Variants in WWTR1 observed in about 807,000 individuals in gnomAD.
WWTR1 encodes WW domain-containing transcription regulator protein 1.
In WWTR1, 13 loss-of-function variants were observed where a neutral mutation model predicts 40.1. The ratio of observed to expected loss-of-function variants is 0.32; its 90% CI spans 0.21 to 0.52. The LOEUF is 0.52. WWTR1 is among the 20% of genes least tolerant of loss of function. WWTR1 has a pLI of 0.97. For synonymous variants in WWTR1, 230 were observed against 210.1 expected, an observed-to-expected ratio of 1.09 and a Z score of -0.82; for missense variants, 436 against 523.1, an observed-to-expected ratio of 0.83 and a Z score of 1.63.
chr3:149,528,850 T>C (rs1735450000), intron 4 of WWTR1, among the ~76,000 whole-genome samples: 1 of 152,168 alleles, frequency 6.6e-6, no homozygotes, highest in Admixed American at 6.5e-5. Flanking sequence ...ACCATGTAGA[T>C]CCAATCCAAA....
intron 5 of WWTR1, among the ~76,000 whole-genome samples, chr3:149,711,649 C>T (rs1191185691): frequency 6.6e-6 from 1 of 152,188 alleles, no homozygotes; most frequent in South Asian, 2.1e-4. Context: ...CAAAGGCCAA[C>T]TTTAATAATC....
chr3:149,617,837 T>C (rs1357316860), intron 2 of WWTR1, among the ~76,000 whole-genome samples: 1 of 152,070 alleles, frequency 6.6e-6, no homozygotes, highest in African/African-American at 2.4e-5. Context: ...CCATAAATCA[T>C]ACCAATATTC....
Position 149,520,500 on chromosome 3 carries a change from C to G in WWTR1, c.*305G>C, listed in dbSNP as rs1409447656. On this transcript the variant is annotated 3_prime_UTR_variant, in exon 7 of 7. Transcript: ENST00000360632. The stretch of plus-strand genomic sequence containing the variant: ...TTCAATTAACACCCATAAAGCTTAG[C>G]CATGGGGCAGCAGAGAAGAAAGAGA... The G allele has an allele frequency of 4.4e-6, 1 of 224,760 alleles. No individual in the cohort carries two copies. The highest frequency in any genetic ancestry group is 2.3e-5 in the African/African-American group (1 of 44,306). The allele number at this position is 224,760 out of a possible 1,614,324, so 13.9% of individuals were successfully genotyped here.
intron 1 of WWTR1, among the ~76,000 whole-genome samples, chr3:149,701,126 A>G (rs569493798): frequency 6.6e-6 from 1 of 152,284 alleles, no homozygotes; most frequent in East Asian, 1.9e-4. Flanking sequence ...TCCTGATTTT[A>G]AAAGCCTTTC....
At chr3:149,643,142 A>G (rs1712282512) in intron 2 of WWTR1, among the ~76,000 whole-genome samples, 1 of 152,230 alleles carries the variant, frequency 6.6e-6, no homozygotes, top group Admixed American at 6.5e-5. Context: ...TATATTGTGA[A>G]AGGGCAAACT....
chr3:149,719,108 G>A (rs1001210990), intron 4 of WWTR1, among the ~76,000 whole-genome samples: 3 of 151,864 alleles, frequency 2.0e-5, no homozygotes, highest in Non-Finnish European at 4.4e-5. Flanking sequence ...TTACAGATGT[G>A]AGGCACCATG....
chr3:149,527,889 C>T lies in WWTR1; in HGVS notation c.852G>A (p.Met284Ile), dbSNP rs1191868286. The T allele has an allele frequency of 6.2e-7, 1 of 1,614,010 alleles. No homozygotes were observed. The highest frequency in any genetic ancestry group is 8.5e-7 in the Non-Finnish European group (1 of 1,180,042). The change falls in exon 5 of 7, where the codon ATG (methionine) becomes ATA (isoleucine). Residue 284 changes from methionine (M) to isoleucine (I), a missense_variant. Met to Ile is a conservative substitution (Grantham distance 10). Transcript: ENST00000360632. ...TAGTGATGGATCTCATGTCTGGGGT[C>T]ATCGTGGGTGGGTTGACAGCAGCCT... is the stretch of plus-strand genomic sequence containing the variant. The part of the protein sequence containing the change: ...PVQAAVNPPT[M>I]TPDMRSITNN...
chr3:149,520,851 A>AGAG lies in WWTR1; in HGVS notation c.1156_1157insCTC (p.Val386delinsAlaLeu). ...CTCACTTTTGTTCAGAGCAGACTCT[A>AGAG]CATCATTGAAGAGGGGGATCAGGTC... On this transcript the variant is annotated protein_altering_variant, in exon 7 of 7. Transcript: ENST00000360632. 1 of 1,613,142 alleles carries AGAG rather than the reference A, an allele frequency of 6.2e-7. No individual in the cohort carries two copies. The highest frequency in any genetic ancestry group is 8.5e-7 in the Non-Finnish European group (1 of 1,179,702).
chr3:149,709,647 G>A (rs1024882471), intron 5 of WWTR1, among the ~76,000 whole-genome samples: 2 of 152,108 alleles, frequency 1.3e-5, no homozygotes, highest in African/African-American at 4.8e-5. Flanking sequence ...GCTCACGACC[G>A]TAATCCCAGC....
chr3:149,544,985 G>A (rs1276604524), intron 3 of WWTR1, among the ~76,000 whole-genome samples: 1 of 152,112 alleles, frequency 6.6e-6, no homozygotes, highest in African/African-American at 2.4e-5. Context: ...CTCACCTCCT[G>A]GCACAATCCC....
chr3:149,683,069 G>T (rs190713611), intron 1 of WWTR1, among the ~76,000 whole-genome samples: 9 of 152,304 alleles, frequency 5.9e-5, no homozygotes, highest in Non-Finnish European at 1.5e-5. Flanking sequence ...GCAATGAGCT[G>T]TTACTATGAA....
At chr3:149,636,989 A>AAAAG (rs1553802418) in intron 2 of WWTR1, among the ~76,000 whole-genome samples, 1 of 150,654 alleles carries the variant, frequency 6.6e-6, no homozygotes, top group African/African-American at 2.4e-5. Flanking sequence ...AAAAAAAAAA[A>AAAAG]AGAGAGAAGT....
chr3:149,530,236 A>G (rs1428578107), intron 4 of WWTR1, among the ~76,000 whole-genome samples: 2 of 151,934 alleles, frequency 1.3e-5, no homozygotes, highest in Non-Finnish European at 2.9e-5. Flanking sequence ...GGTCCCAGAT[A>G]CTCAGGAGGC....
chr3:149,537,498 C>A (rs553227993), intron 4 of WWTR1, among the ~76,000 whole-genome samples: 2 of 152,304 alleles, frequency 1.3e-5, no homozygotes, highest in African/African-American at 4.8e-5. Flanking sequence ...TTATAATTTC[C>A]TTCTTTGTTG....
At chr3:149,567,756 T>C (rs1428998100) in intron 3 of WWTR1, among the ~76,000 whole-genome samples, 1 of 152,220 alleles carries the variant, frequency 6.6e-6, no homozygotes, top group Non-Finnish European at 1.5e-5. Flanking sequence ...AGATAGGTAC[T>C]ATCATTATCA....
Position 149,656,942 on chromosome 3 carries a change from T to C in WWTR1, c.365A>G (p.Asp122Gly). 1 of 1,576,668 alleles carries C rather than the reference T, an allele frequency of 6.3e-7. No individual in the cohort carries two copies. The change falls in exon 2 of 7, where the codon GAC (aspartate) becomes GGC (glycine). Residue 122 changes from aspartate to glycine, a missense_variant. Physicochemically the swap from Asp to Gly is moderately conservative, Grantham distance 94. Transcript: ENST00000360632. ...HLRQQSYDVT[D>G]ELPLPPGWEM... ...CCAGCCCGGGGGCAGTGGCAGCTCGTCGGTCACGTCGTAGGACTGCTGGCG... is the reference window on the plus strand; with the variant it reads ...CCAGCCCGGGGGCAGTGGCAGCTCGCCGGTCACGTCGTAGGACTGCTGGCG...
intron 2 of WWTR1, among the ~76,000 whole-genome samples, chr3:149,615,868 A>G (rs1739947438): frequency 1.3e-5 from 2 of 152,190 alleles, no homozygotes; most frequent in African/African-American, 4.8e-5. Context: ...GTACGTGAGC[A>G]TGTCTGTTTC....
intron 1 of WWTR1, among the ~76,000 whole-genome samples, chr3:149,701,417 C>T (rs1715166653): frequency 6.6e-6 from 1 of 152,156 alleles, no homozygotes; most frequent in Non-Finnish European, 1.5e-5. Context: ...CCCCTGAGCC[C>T]TATTTCCTAA....
chr3:149,524,477 C>T (rs1268371431), intron 6 of WWTR1, among the ~76,000 whole-genome samples: 1 of 151,570 alleles, frequency 6.6e-6, no homozygotes. Flanking sequence ...CTTCCTAAGG[C>T]TATTCCAAAG....
Sources: allele counts gnomAD v4.1 joint callset (sites outside exome capture counted in the v4.1 genomes callset), GRCh38; gene constraint gnomAD v4.1.1; transcripts MANE v1.5; gene names NCBI Gene and HGNC (gene_info 2026-07-23, HGNC 2026-07-21).